C1orf198: variants seen among roughly 807,000 people sequenced by gnomAD.
C1orf198 encodes uncharacterized protein C1orf198.
C1orf198 carries 17 observed loss-of-function variants against 31.4 expected under a neutral mutation model. That is an observed-to-expected ratio of 0.54 (90% CI 0.37 to 0.81). The LOEUF (loss-of-function observed/expected upper bound fraction) is 0.81. Ranked by LOEUF, C1orf198 falls within the 40% of genes least tolerant of loss-of-function variation. C1orf198 has a pLI of 0.00. For synonymous variants in C1orf198, 175 were observed against 193.8 expected (o/e 0.90, Z 0.81); for missense variants, 401 against 450.3 (o/e 0.89, Z 0.99).
rs757839289 is a variant in C1orf198 at position 230,843,583 on chromosome 1, G to A, written c.698C>T (p.Pro233Leu). ...KVLPPCYRQEPAPKDREAKVE... is the reference protein window; with the variant it reads ...KVLPPCYRQELAPKDREAKVE... ...CTTGGCCTCCCTGTCCTTCGGGGCA[G>A]GTTCCTGCCGGTAGCAGGGAGGCAA... Residue 233 changes from proline (P) to leucine (L), a missense_variant, in exon 3 of 4, where the codon CCT becomes CTT. By Grantham distance (98) the Pro-to-Leu change is moderately conservative. Coordinates refer to ENST00000366663, the MANE Select transcript of C1orf198 (RefSeq NM_032800.3). The surrounding 1 kb of genome is among the most constrained non-coding windows in gnomAD (Gnocchi z 4.9). 1 of 1,614,196 alleles carries A rather than the reference G, an allele frequency of 6.2e-7. No homozygotes were observed. Among genetic ancestry groups the A allele is most frequent in the Non-Finnish European group, 8.5e-7 (1 of 1,180,004 alleles).
At position 230,853,570 on chromosome 1, in the gene C1orf198, C is replaced by T. The variant is rs142819647; in HGVS notation, c.384+2098G>A. ...AGATACGCTCTATTTTGCCCCTAGACGTTTCTAATAGTAAACTATAGTAAG... is the reference window on the plus strand; with the variant it reads ...AGATACGCTCTATTTTGCCCCTAGATGTTTCTAATAGTAAACTATAGTAAG... On this transcript the variant is annotated intron_variant, in intron 2 of 3. Transcript: ENST00000366663. Among the ~76,000 whole-genome samples, 17 of 152,204 alleles carry T rather than the reference C, an allele frequency of 1.1e-4. No homozygotes were observed. The East Asian group carries it at 2.9e-3, about 26-fold the overall frequency.
chr1:230,838,193 T>G lies in C1orf198; in HGVS notation c.*1659A>C, dbSNP rs1016169909. 6 of 152,262 alleles carry G rather than the reference T, an allele frequency of 3.9e-5. No homozygotes were observed. The highest frequency in any genetic ancestry group is 1.4e-4 in the African/African-American group (6 of 41,468). The allele number at this position is 152,262 out of a possible 1,614,324, so 9.4% of individuals were successfully genotyped here. A position where few individuals can be genotyped will look rare whatever the true frequency, so the allele number is the denominator to read the frequency against. Reference sequence around the variant, plus strand: ...GTGCCAACTGGGATTTCTAAGCTCCTTTTTCCCTCACCACCATGCTGAAAC... The same window carrying G: ...GTGCCAACTGGGATTTCTAAGCTCCGTTTTCCCTCACCACCATGCTGAAAC... On this transcript the variant is annotated 3_prime_UTR_variant, in exon 4 of 4. Coordinates refer to ENST00000366663, the MANE Select transcript of C1orf198 (RefSeq NM_032800.3). The surrounding 1 kb of genome is among the most constrained non-coding windows in gnomAD (Gnocchi z 4.2).
At chr1:230,868,145 A>T in intron 1 of C1orf198, 35 bp downstream of exon 1, 1 of 921,566 alleles carries the variant, frequency 1.1e-6, no homozygotes, top group Non-Finnish European at 1.4e-6. Flanking sequence ...GGGCGCCGGG[A>T]GGGGAAGAGG....
chr1:230,849,583 T>C (rs11806203), intron 2 of C1orf198, among the ~76,000 whole-genome samples: 14,765 of 152,252 alleles, frequency 0.097, 2,101 homozygotes, highest in African/African-American at 0.31. Context: ...CAGTTGGCCA[T>C]GTCTGTTCTA....
At chr1:230,848,638 A>G (rs185466657) in intron 2 of C1orf198, among the ~76,000 whole-genome samples, 30 of 152,304 alleles carry the variant, frequency 2.0e-4, no homozygotes, top group Admixed American at 4.6e-4. Flanking sequence ...GATTTCACAA[A>G]ATATCACATG....
chr1:230,868,033 G>A (rs564070208), intron 1 of C1orf198, 147 bp downstream of exon 1: 2 of 888,410 alleles, frequency 2.3e-6, no homozygotes, highest in East Asian at 6.8e-5. Context: ...TCGGCTCTGG[G>A]GCTCCCCTCC....
intron 1 of C1orf198, among the ~76,000 whole-genome samples, chr1:230,859,224 C>T (rs1032710310): frequency 6.6e-6 from 1 of 152,094 alleles, no homozygotes; most frequent in African/African-American, 2.4e-5. Flanking sequence ...GTGGCGGCAC[C>T]CACTCACACG....
chr1:230,863,241 A>G (rs996876448), intron 1 of C1orf198, among the ~76,000 whole-genome samples: 7 of 152,190 alleles, frequency 4.6e-5, no homozygotes, highest in Non-Finnish European at 1.0e-4. Context: ...ATGAATACGA[A>G]TCCAGAAACT....
chr1:230,847,278 C>CAAA (rs11320938), intron 2 of C1orf198, among the ~76,000 whole-genome samples: 2 of 91,236 alleles, frequency 2.2e-5, no homozygotes, highest in African/African-American at 3.4e-5. Context: ...GACTCTGTCT[C>CAAA]AAAAAAAAAA....
Position 230,857,589 on chromosome 1 carries a change from T to C in C1orf198, c.334-1871A>G, listed in dbSNP as rs1037595080. Among the ~76,000 whole-genome samples the C allele has an allele frequency of 6.6e-6, 1 of 152,126 alleles. No individual in the cohort carries two copies. The highest frequency in any genetic ancestry group is 1.5e-5 in the Non-Finnish European group (1 of 68,028). Reference sequence around the variant, plus strand: ...CTTGGCTCTGTGCAGTAGAGGCTGGTACATTTGTGGCACAAATACTTCACA... The same window carrying C: ...CTTGGCTCTGTGCAGTAGAGGCTGGCACATTTGTGGCACAAATACTTCACA... On this transcript the variant is annotated intron_variant, in intron 1 of 3. Coordinates refer to ENST00000366663, the MANE Select transcript of C1orf198 (RefSeq NM_032800.3). The surrounding 1 kb of genome is among the most constrained non-coding windows in gnomAD (Gnocchi z 4.2).
At position 230,841,664 on chromosome 1, in the gene C1orf198, C is replaced by T. The variant is rs543948928; in HGVS notation, c.927+1690G>A. Among the ~76,000 whole-genome samples the T allele has an allele frequency of 1.2e-4, 19 of 152,284 alleles. No homozygotes were observed. The South Asian group carries it at 1.9e-3, about 15-fold the overall frequency. On this transcript the variant is annotated intron_variant, in intron 3 of 3. Transcript: ENST00000366663. ...AGTGTTGCAAGGGAGTGGAGAAACG[C>T]GAACCCACATTGATGGGAATGTAAA...
intron 2 of C1orf198, among the ~76,000 whole-genome samples, chr1:230,849,516 C>T (rs755570665): frequency 6.6e-6 from 1 of 152,252 alleles, no homozygotes; most frequent in Non-Finnish European, 1.5e-5. Flanking sequence ...GCTGGGAGGA[C>T]TCCCTCCAGC....
At chr1:230,865,488 G>A (rs775297885) in intron 1 of C1orf198, among the ~76,000 whole-genome samples, 2 of 152,140 alleles carry the variant, frequency 1.3e-5, no homozygotes, top group Non-Finnish European at 2.9e-5. Flanking sequence ...CTAATATAAT[G>A]GGCCTTGAGA....
chr1:230,856,386 C>T (rs1669874002), intron 1 of C1orf198, among the ~76,000 whole-genome samples: 2 of 152,112 alleles, frequency 1.3e-5, no homozygotes, highest in African/African-American at 4.8e-5. Context: ...AGAAAGAGCC[C>T]TATAGAACAA....
At chr1:230,856,047 C>T (rs776503700) in intron 1 of C1orf198, 136 of 1,038,236 alleles carry the variant, frequency 1.3e-4, no homozygotes, top group Middle Eastern at 4.0e-4. Context: ...CAGGCACAGA[C>T]TCAGCCCTGA....
At chr1:230,848,065 G>A (rs1669640992) in intron 2 of C1orf198, among the ~76,000 whole-genome samples, 1 of 152,110 alleles carries the variant, frequency 6.6e-6, no homozygotes, top group South Asian at 2.1e-4. Flanking sequence ...CACTTAGCTG[G>A]GTGTGACCTC....
chr1:230,848,754 AG>A (rs1669656288), intron 2 of C1orf198, among the ~76,000 whole-genome samples: 1 of 152,160 alleles, frequency 6.6e-6, no homozygotes, highest in Non-Finnish European at 1.5e-5. Context: ...CCAAAGGAAA[AG>A]GGTTTGTCAT....
chr1:230,860,926 T>C (rs905823042), intron 1 of C1orf198, among the ~76,000 whole-genome samples: 1 of 152,194 alleles, frequency 6.6e-6, no homozygotes, highest in African/African-American at 2.4e-5. Context: ...TGGAAAGACA[T>C]GGAGGAACCT....
intron 2 of C1orf198, among the ~76,000 whole-genome samples, chr1:230,854,857 C>CA (rs1669834913): frequency 6.6e-6 from 1 of 151,984 alleles, no homozygotes; most frequent in South Asian, 2.1e-4. Flanking sequence ...AGTGAAAAAC[C>CA]AAAAAACAAG....
Sources: gnomAD v4.1 joint callset for allele counts (sites outside exome capture counted in the v4.1 genomes callset) on GRCh38, gnomAD v4.1.1 for gene constraint, Gnocchi (gnomAD v3.1) non-coding constraint, MANE v1.5 for transcripts, NCBI Gene and HGNC (gene_info 2026-07-23, HGNC 2026-07-21) for gene names.